Variants in SLC1A3 observed in about 807,000 individuals in gnomAD.
The protein encoded by SLC1A3 is solute carrier family 1 member 3, also known as excitatory amino acid transporter 1.
Under a neutral mutation model 48.1 loss-of-function variants are expected in SLC1A3, and 21 were observed. The observed-to-expected ratio is 0.44, with a 90% CI of 0.31 to 0.63. The LOEUF is 0.63. Ranked by LOEUF, SLC1A3 falls within the 20% of genes least tolerant of loss-of-function variation. SLC1A3 has a pLI of 0.08. For missense variants in SLC1A3, 546 were observed against 689.0 expected (o/e 0.79, Z 2.32); for synonymous variants, 239 against 251.4 (o/e 0.95, Z 0.47).
chr5:36,654,024 C>T (rs1741192463), intron 3 of SLC1A3, among the ~76,000 whole-genome samples: 2 of 152,116 alleles, frequency 1.3e-5, no homozygotes, highest in East Asian at 3.9e-4. Context: ...TTGTATTTTT[C>T]GTAGAGACAG....
At chr5:36,654,190 C>G (rs1220129240) in intron 3 of SLC1A3, among the ~76,000 whole-genome samples, 1 of 152,178 alleles carries the variant, frequency 6.6e-6, no homozygotes, top group Non-Finnish European at 1.5e-5. Flanking sequence ...TCAAAATCCA[C>G]ATCTGAGGGG....
At chr5:36,622,844 TA>T (rs1475129966) in intron 2 of SLC1A3, among the ~76,000 whole-genome samples, 10 of 87,148 alleles carry the variant, frequency 1.1e-4, no homozygotes, top group East Asian at 3.7e-4. Context: ...ACCCCGTCAC[TA>T]AAAAAAAATA....
At chr5:36,627,222 A>G (rs899625996) in intron 2 of SLC1A3, among the ~76,000 whole-genome samples, 1 of 152,196 alleles carries the variant, frequency 6.6e-6, no homozygotes, top group Non-Finnish European at 1.5e-5. Flanking sequence ...CTTGGAGAAA[A>G]TACAATTAGG....
chr5:36,647,929 T>C (rs776727506), intron 3 of SLC1A3, among the ~76,000 whole-genome samples: 11 of 152,340 alleles, frequency 7.2e-5, no homozygotes, highest in Non-Finnish European at 1.6e-4. Context: ...TTTTAATTTA[T>C]TCCAATATTT....
At chr5:36,627,311 A>C (rs1739946278) in intron 2 of SLC1A3, among the ~76,000 whole-genome samples, 1 of 152,126 alleles carries the variant, frequency 6.6e-6, no homozygotes. Flanking sequence ...CACATTATCA[A>C]ATTTTGCTTG....
chr5:36,668,583 T>G (rs1161454448), intron 3 of SLC1A3: 1 of 152,222 alleles, frequency 6.6e-6, no homozygotes, highest in Admixed American at 6.5e-5. Flanking sequence ...GCTGAAAGAA[T>G]AGCAGCTGTT....
intron 3 of SLC1A3, among the ~76,000 whole-genome samples, chr5:36,637,839 C>A (rs952971650): frequency 6.6e-6 from 1 of 152,146 alleles, no homozygotes; most frequent in Admixed American, 6.5e-5. Context: ...AGATTAATTG[C>A]ACTACATAGA....
intron 1 of SLC1A3, among the ~76,000 whole-genome samples, chr5:36,607,513 C>G (rs1289783317): frequency 6.6e-6 from 1 of 152,210 alleles, no homozygotes; most frequent in African/African-American, 2.4e-5. Context: ...AAATTGGTTT[C>G]ATCTCATCTG....
At chr5:36,668,833 A>G (rs2111918737) in intron 3 of SLC1A3, 1 of 152,302 alleles carries the variant, frequency 6.6e-6, no homozygotes, top group East Asian at 1.9e-4. Flanking sequence ...GGGTATTGGG[A>G]TAACTTTCCC....
rs556410760 is a variant in SLC1A3, at chr5:36,640,200, G to A, written c.319+10613G>A. ...TGGGATAGTGCTATTCTCTGCTGAA[G>A]GACGGATTTACCTGAATGATCTTCC... On this transcript the variant is annotated intron_variant, in intron 3 of 9. Transcript: ENST00000265113. Among the ~76,000 whole-genome samples, 8 of 152,342 alleles carry A rather than the reference G, an allele frequency of 5.3e-5. No individual in the cohort carries two copies. The East Asian group carries it at 1.5e-3, about 29-fold the overall frequency.
intron 3 of SLC1A3, among the ~76,000 whole-genome samples, chr5:36,658,988 A>AT (rs55751349): frequency 0.39 from 58,332 of 149,314 alleles, 12,063 homozygotes; most frequent in East Asian, 0.67. Context: ...CAACCTACCC[A>AT]TTTTTTTTTT....
At chr5:36,676,648 A>ATGTG (rs3051481) in intron 5 of SLC1A3, among the ~76,000 whole-genome samples, 17 of 149,924 alleles carry the variant, frequency 1.1e-4, no homozygotes, top group Non-Finnish European at 1.5e-4. Flanking sequence ...GAGTGTGTGT[A>ATGTG]TGTGTGTGTG....
intron 5 of SLC1A3, 92 bp from the exon 6 acceptor site, chr5:36,676,800 A>G (rs886070958): frequency 1.5e-5 from 14 of 944,758 alleles, no homozygotes; most frequent in Non-Finnish European, 2.1e-5. Context: ...TAACAGAGTA[A>G]CAGTAATCAT....
chr5:36,633,875 T>C (rs1456698165), intron 3 of SLC1A3, among the ~76,000 whole-genome samples: 2 of 152,262 alleles, frequency 1.3e-5, no homozygotes, highest in Admixed American at 6.5e-5. Flanking sequence ...AACCTCCTAT[T>C]ACTTGTCATG....
chr5:36,612,481 G>T (rs1187920132), intron 2 of SLC1A3, among the ~76,000 whole-genome samples: 3 of 151,956 alleles, frequency 2.0e-5, no homozygotes, highest in Non-Finnish European at 2.9e-5. Flanking sequence ...GCTACTTGGG[G>T]GGGCTGAAGT....
chr5:36,618,551 C>T (rs1341304974), intron 2 of SLC1A3, among the ~76,000 whole-genome samples: 1 of 152,164 alleles, frequency 6.6e-6, no homozygotes, highest in African/African-American at 2.4e-5. Context: ...AGATGGGTCT[C>T]GGCTGGGCTC....
intron 5 of SLC1A3, among the ~76,000 whole-genome samples, chr5:36,674,351 T>A (rs998595955): frequency 6.6e-6 from 1 of 152,098 alleles, no homozygotes; most frequent in Non-Finnish European, 1.5e-5. Context: ...AGAAGGCTAA[T>A]CACAAGACCC....
chr5:36,673,977 C>T lies in SLC1A3; in HGVS notation c.525-72C>T, dbSNP rs2033224. 10,555 of 1,198,754 alleles carry T rather than the reference C, an allele frequency of 8.8e-3. 457 individuals carry two copies. The Admixed American group carries it at 0.1, about 12-fold the overall frequency. 74.3% of individuals were successfully genotyped at this position (1,198,754 alleles called of 1,614,324 possible). On this transcript the variant is annotated intron_variant, in intron 4 of 9. Transcript: ENST00000265113. ...TTCAATGCAATCTTTACCTTACACA[C>T]AATGAAACAGAATTTAAGGAGCAAA...
At chr5:36,642,641 C>T (rs1740660896) in intron 3 of SLC1A3, among the ~76,000 whole-genome samples, 1 of 152,068 alleles carries the variant, frequency 6.6e-6, no homozygotes, top group African/African-American at 2.4e-5. Context: ...GTTGTGCATC[C>T]ATCATCACAA....
Sources: allele counts gnomAD v4.1 joint callset (sites outside exome capture counted in the v4.1 genomes callset), GRCh38; gene constraint gnomAD v4.1.1; transcripts MANE v1.5; gene names NCBI Gene and HGNC (gene_info 2026-07-23, HGNC 2026-07-21).